CHD9: variants seen among roughly 807,000 people sequenced by gnomAD.
CHD9 encodes ATP-dependent chromatin remodeler CHD9.
Under a neutral mutation model 316.1 loss-of-function variants are expected in CHD9, and 77 were observed. The ratio of observed to expected loss-of-function variants is 0.24; its 90% CI spans 0.20 to 0.29. The LOEUF (loss-of-function observed/expected upper bound fraction) is 0.29. Among genes scored for constraint, CHD9 ranks in the 10% least tolerant of loss-of-function variants. CHD9 has a pLI of 1.00. For missense variants in CHD9, 2,763 were observed against 3,438.1 expected, an observed-to-expected ratio of 0.80 and a Z score of 4.91; for synonymous variants, 1,129 against 1,158.3, an observed-to-expected ratio of 0.97 and a Z score of 0.51.
At chr16:53,192,899 A>G (rs1301318017) in intron 2 of CHD9, among the ~76,000 whole-genome samples, 1 of 152,154 alleles carries the variant, frequency 6.6e-6, no homozygotes. Flanking sequence ...GGTTGTTTTC[A>G]GGTTTTTGTA....
chr16:53,110,084 T>G (rs1307616249), intron 1 of CHD9, among the ~76,000 whole-genome samples: 1 of 152,162 alleles, frequency 6.6e-6, no homozygotes, highest in South Asian at 2.1e-4. Flanking sequence ...CTATGCACTC[T>G]CCAGTTTGTC....
At chr16:53,147,586 A>G (rs1015570277) in intron 1 of CHD9, among the ~76,000 whole-genome samples, 3 of 152,162 alleles carry the variant, frequency 2.0e-5, no homozygotes, top group Admixed American at 6.5e-5. Flanking sequence ...CCCATTCTAA[A>G]TACTTCATGT....
At chr16:53,167,119 A>C (rs958632525) in intron 2 of CHD9, among the ~76,000 whole-genome samples, 12 of 152,224 alleles carry the variant, frequency 7.9e-5, no homozygotes, top group African/African-American at 2.7e-4. Context: ...AATAGGCCAT[A>C]TTATAAAATA....
intron 2 of CHD9, among the ~76,000 whole-genome samples, chr16:53,186,212 A>G (rs1274996219): frequency 6.6e-6 from 1 of 152,204 alleles, no homozygotes; most frequent in African/African-American, 2.4e-5. Flanking sequence ...AGGGATGGAA[A>G]TGCCCAAGGC....
chr16:53,131,311 A>AGCCGCCGCCGCCGCC (rs541900602), intron 1 of CHD9: 1 of 123,896 alleles, frequency 8.1e-6, no homozygotes, highest in African/African-American at 3.1e-5. Flanking sequence ...GAGTACGTGC[A>AGCCGCCGCCGCCGCC]GCCGCCGCCG....
chr16:53,289,029 T>TA (rs2054115347), intron 27 of CHD9, among the ~76,000 whole-genome samples: 1 of 151,864 alleles, frequency 6.6e-6, no homozygotes, highest in Admixed American at 6.6e-5. Flanking sequence ...ACCCCAAGTT[T>TA]AAAAATATAT....
intron 1 of CHD9, chr16:53,099,097 C>A: frequency 6.5e-6 from 1 of 152,748 alleles, no homozygotes; most frequent in Non-Finnish European, 1.5e-5. Flanking sequence ...GCTAGCAAGG[C>A]CTGGGCCCAG....
chr16:53,227,071 A>G (rs1335913125), intron 5 of CHD9: 1 of 234,218 alleles, frequency 4.3e-6, no homozygotes, highest in Non-Finnish European at 8.2e-6. Context: ...TACTTATTTA[A>G]CTATGCCTAA....
chr16:53,056,539 G>A (rs2032144158), intron 1 of CHD9, among the ~76,000 whole-genome samples: 1 of 152,170 alleles, frequency 6.6e-6, no homozygotes, highest in Non-Finnish European at 1.5e-5. Flanking sequence ...TTAATAAGAA[G>A]CATGTCCCAT....
At chr16:53,159,171 A>T (rs2041737137) in intron 2 of CHD9, among the ~76,000 whole-genome samples, 1 of 152,084 alleles carries the variant, frequency 6.6e-6, no homozygotes, top group South Asian at 2.1e-4. Context: ...AGTCCCAGCT[A>T]CTCAAGAGGC....
chr16:53,304,467 C>T lies in CHD9; in HGVS notation c.6461C>T (p.Ser2154Phe). The change falls in exon 31 of 39, where the codon TCT becomes TTT. Residue 2154 changes from serine (S) to phenylalanine (F), a missense_variant. Transcript: ENST00000447540. ...AGATCATCTTCTTCCTCATCATCCT[C>T]TTCTTGCTCCCACTCTCGATCAGGC... ...SSRSSSSSSS[S>F]SCSHSRSGSS... 1 of 1,567,090 alleles carries T rather than the reference C, an allele frequency of 6.4e-7. No individual in the cohort carries two copies. Among genetic ancestry groups the T allele is most frequent in the Non-Finnish European group, 8.7e-7 (1 of 1,155,954 alleles).
intron 22 of CHD9, among the ~76,000 whole-genome samples, chr16:53,273,126 A>G (rs1487477071): frequency 6.6e-6 from 1 of 152,054 alleles, no homozygotes; most frequent in Non-Finnish European, 1.5e-5. Context: ...AACTAAGTAA[A>G]CATGGACTAT....
rs560717869 is a variant in CHD9 at position 53,267,806 on chromosome 16, G to C, written c.4518-121G>C. On this transcript the variant is annotated intron_variant, in intron 21 of 38. Coordinates refer to ENST00000447540, the MANE Select transcript of CHD9 (RefSeq NM_001308319.2). ...TTCCTCTACATTCTATGCATGGGTAGGGAAGACTTAATTAGCAAAAATGAC... is the reference window on the plus strand; with the variant it reads ...TTCCTCTACATTCTATGCATGGGTACGGAAGACTTAATTAGCAAAAATGAC... 3 of 769,712 alleles carry C rather than the reference G, an allele frequency of 3.9e-6. 1 individual carries two copies. The South Asian group carries it at 5.5e-5, about 14-fold the overall frequency. 47.7% of individuals were successfully genotyped at this position (769,712 alleles called of 1,614,324 possible).
Position 53,155,230 on chromosome 16 carries a change from GT to G in CHD9, c.-164-686del, listed in dbSNP as rs970480090. On this transcript the variant is annotated intron_variant, in intron 1 of 38. Transcript: ENST00000447540. ...AATTAGATTGAATAAAATCAGTTTT[GT>G]TTTTTTTTTGAGACAGTGTCTCACT... 6.8e-5 allele frequency among the ~76,000 whole-genome samples: 10 copies of G among 147,472 alleles called. 1 individual carries two copies. The highest frequency in any genetic ancestry group is 2.0e-4 in the African/African-American group (8 of 40,294).
intron 1 of CHD9, among the ~76,000 whole-genome samples, chr16:53,129,948 G>T (rs572337562): frequency 1.8e-4 from 27 of 152,268 alleles, no homozygotes; most frequent in African/African-American, 6.5e-4. Flanking sequence ...CAGTTAATTC[G>T]TGAAGGATCG....
intron 1 of CHD9, among the ~76,000 whole-genome samples, chr16:53,139,477 A>G (rs1029283870): frequency 6.6e-6 from 1 of 152,206 alleles, no homozygotes; most frequent in Non-Finnish European, 1.5e-5. Flanking sequence ...ATGGTAATAC[A>G]GTATGGTAGG....
intron 2 of CHD9, among the ~76,000 whole-genome samples, chr16:53,189,489 A>T (rs1204860042): frequency 6.6e-6 from 1 of 151,566 alleles, no homozygotes; most frequent in African/African-American, 2.4e-5. Context: ...TTAGCCTTGC[A>T]CTCCTAAAAT....
At chr16:53,299,584 AGCT>A (rs1347203621) in intron 30 of CHD9, 1 of 407,896 alleles carries the variant, frequency 2.5e-6, no homozygotes, top group Non-Finnish European at 4.7e-6. Context: ...ACCCTCCAAA[AGCT>A]GGAGATGATT....
intron 2 of CHD9, among the ~76,000 whole-genome samples, chr16:53,178,752 C>G (rs2043269390): frequency 6.6e-6 from 1 of 152,132 alleles, no homozygotes; most frequent in African/African-American, 2.4e-5. Flanking sequence ...CATGAGCCAC[C>G]TCACCTGGCC....
Sources: gnomAD v4.1 joint callset for allele counts (sites outside exome capture counted in the v4.1 genomes callset) on GRCh38, gnomAD v4.1.1 for gene constraint, MANE v1.5 for transcripts, NCBI Gene and HGNC (gene_info 2026-07-23, HGNC 2026-07-21) for gene names.